Variants in PPP2R2A observed in about 807,000 individuals in gnomAD.
PPP2R2A encodes serine/threonine-protein phosphatase 2A 55 kDa regulatory subunit B alpha isoform.
Under a neutral mutation model 53.2 loss-of-function variants are expected in PPP2R2A, and 9 were observed. The ratio of observed to expected loss-of-function variants is 0.17; its 90% CI spans 0.10 to 0.30. PPP2R2A has a LOEUF of 0.30. PPP2R2A is among the 10% of genes least tolerant of loss of function. The pLI, the probability that PPP2R2A is intolerant of heterozygous loss-of-function variation, is 1.00. For synonymous variants in PPP2R2A, 169 were observed against 174.2 expected, an observed-to-expected ratio of 0.97 and a Z score of 0.23; for missense variants, 235 against 534.6, an observed-to-expected ratio of 0.44 and a Z score of 5.53.
chr8:26,295,677 G>A (rs765856926), intron 2 of PPP2R2A, among the ~76,000 whole-genome samples: 1 of 152,156 alleles, frequency 6.6e-6, no homozygotes, highest in Non-Finnish European at 1.5e-5. Context: ...ATCGTAAAAT[G>A]CTGATACTTG....
intron 2 of PPP2R2A, among the ~76,000 whole-genome samples, chr8:26,332,376 AAAAAG>A (rs1407414019): frequency 6.6e-6 from 1 of 151,986 alleles, no homozygotes; most frequent in Non-Finnish European, 1.5e-5. Flanking sequence ...AAAAAAAAAA[AAAAAG>A]AAGAAGATAC....
intron 3 of PPP2R2A, among the ~76,000 whole-genome samples, chr8:26,351,569 T>C (rs1180917803): frequency 1.3e-5 from 2 of 152,180 alleles, no homozygotes; most frequent in Non-Finnish European, 2.9e-5. Context: ...ACTTAATTAT[T>C]GTACCTTCAC....
intron 3 of PPP2R2A, among the ~76,000 whole-genome samples, chr8:26,344,399 CTT>C (rs1804103699): frequency 6.6e-6 from 1 of 152,098 alleles, no homozygotes; most frequent in Non-Finnish European, 1.5e-5. Flanking sequence ...ATAAAAAAAA[CTT>C]TAATCCTGTT....
At chr8:26,292,196 TC>T (rs1563276670) in intron 1 of PPP2R2A, 2 of 1,123,172 alleles carry the variant, frequency 1.8e-6, no homozygotes, top group Non-Finnish European at 2.2e-6. Context: ...TATTTTTTTT[TC>T]CTGCAGGTCT....
At position 26,360,045 on chromosome 8, in the gene PPP2R2A, AG is replaced by A; in HGVS notation, c.347-123del. ...TAATAGGAAATTTTTTAGTAAGTTC[AG>A]ATTAGGGTTTTTTTTTTTTTCGTGG... On this transcript the variant is annotated intron_variant, in intron 4 of 9. Transcript: ENST00000380737. The surrounding 1 kb of genome is among the most constrained non-coding windows in gnomAD (Gnocchi z 4.5). 1 of 532,106 alleles carries A rather than the reference AG, an allele frequency of 1.9e-6. No individual in the cohort carries two copies. The allele number at this position is 532,106 out of a possible 1,614,324, so 33.0% of individuals were successfully genotyped here. A position where few individuals can be genotyped will look rare whatever the true frequency, so the allele number is the denominator to read the frequency against.
At chr8:26,350,154 C>A (rs953389806) in intron 3 of PPP2R2A, among the ~76,000 whole-genome samples, 1 of 152,148 alleles carries the variant, frequency 6.6e-6, no homozygotes, top group Non-Finnish European at 1.5e-5. Flanking sequence ...GCAACCTCCT[C>A]CTCCCATCAA....
Position 26,293,706 on chromosome 8 carries a change from G to A in PPP2R2A, c.48G>A (p.Gln16=). The A allele has an allele frequency of 6.2e-7, 1 of 1,613,478 alleles. No individual in the cohort carries two copies. The highest frequency in any genetic ancestry group is 8.5e-7 in the Non-Finnish European group (1 of 1,179,718). ...GGNDIQWCFS[Q]VKGAVDDDVA... ...ATGATATTCAGTGGTGTTTTTCTCA[G>A]GTGAAAGGAGCAGTAGATGATGATG... Residue 16 remains glutamine (Q), a synonymous_variant, in exon 2 of 10, where the codon CAG becomes CAA. Coordinates refer to ENST00000380737, the MANE Select transcript of PPP2R2A (RefSeq NM_002717.4).
chr8:26,364,030 T>C, intron 8 of PPP2R2A, 140 bp downstream of exon 8: 1 of 673,220 alleles, frequency 1.5e-6, no homozygotes, highest in Non-Finnish European at 2.2e-6. Flanking sequence ...TCTATGAGTA[T>C]GTTGCTCTTC....
At chr8:26,366,169 C>T in intron 8 of PPP2R2A, 146 bp from the exon 9 acceptor site, 1 of 638,434 alleles carries the variant, frequency 1.6e-6, no homozygotes, top group Non-Finnish European at 2.7e-6. Context: ...GACAAAATGC[C>T]TTTATTGTTA....
chr8:26,333,425 T>C, intron 2 of PPP2R2A: 1 of 758,450 alleles, frequency 1.3e-6, no homozygotes, highest in South Asian at 2.1e-5. Context: ...TTCAGCTGTA[T>C]TAAAAATTAT....
chr8:26,339,358 C>G (rs545335887), intron 3 of PPP2R2A, among the ~76,000 whole-genome samples: 6 of 152,176 alleles, frequency 3.9e-5, no homozygotes, highest in Non-Finnish European at 8.8e-5. Flanking sequence ...GCTTGGTTTA[C>G]TTTGTACAAT....
chr8:26,364,664 G>T (rs1335602166), intron 8 of PPP2R2A, among the ~76,000 whole-genome samples: 2 of 152,204 alleles, frequency 1.3e-5, no homozygotes, highest in African/African-American at 4.8e-5. Context: ...CATAAACGAA[G>T]ATTGTTTTTG....
chr8:26,320,687 T>G (rs575677627), intron 2 of PPP2R2A, among the ~76,000 whole-genome samples: 1 of 152,322 alleles, frequency 6.6e-6, no homozygotes, highest in Non-Finnish European at 1.5e-5. Flanking sequence ...TTGTTAGTGT[T>G]GCTGTGCTCA....
chr8:26,368,060 G>A (rs949075922), intron 9 of PPP2R2A, among the ~76,000 whole-genome samples: 1 of 152,174 alleles, frequency 6.6e-6, no homozygotes, highest in Non-Finnish European at 1.5e-5. Flanking sequence ...CTGGCCTAAT[G>A]ATACCTTTTT....
At chr8:26,306,633 A>G (rs779007291) in intron 2 of PPP2R2A, among the ~76,000 whole-genome samples, 4 of 152,132 alleles carry the variant, frequency 2.6e-5, no homozygotes, top group Non-Finnish European at 5.9e-5. Context: ...CTGTTTTACA[A>G]ACCAAATATA....
At position 26,291,736 on chromosome 8, in the gene PPP2R2A, AC is replaced by A. The variant is rs1338406464; in HGVS notation, c.-77del. The A allele has an allele frequency of 4.7e-5, 62 of 1,309,772 alleles. No individual in the cohort carries two copies. Among genetic ancestry groups the A allele is most frequent in the Non-Finnish European group, 5.6e-5 (55 of 986,332 alleles). The allele number at this position is 1,309,772 out of a possible 1,614,324, so 81.1% of individuals were successfully genotyped here. A position where few individuals can be genotyped will look rare whatever the true frequency, so the allele number is the denominator to read the frequency against. Reference sequence around the variant, plus strand: ...CCATCCGCCGCCATCCGCCCTCTCTACCCCCCCATCCCCAGGTGAGGGGGGT... The same window carrying A: ...CCATCCGCCGCCATCCGCCCTCTCTACCCCCCATCCCCAGGTGAGGGGGGT... On this transcript the variant is annotated 5_prime_UTR_variant, in exon 1 of 10. Transcript: ENST00000380737.
intron 3 of PPP2R2A, among the ~76,000 whole-genome samples, chr8:26,347,375 G>C (rs935581358): frequency 2.7e-5 from 4 of 150,732 alleles, no homozygotes; most frequent in Non-Finnish European, 5.9e-5. Flanking sequence ...CACAGTTTTC[G>C]TGTGGGGTGT....
chr8:26,358,347 A>G (rs903463701), intron 4 of PPP2R2A, among the ~76,000 whole-genome samples: 2 of 152,158 alleles, frequency 1.3e-5, no homozygotes, highest in Non-Finnish European at 2.9e-5. Context: ...ATTTAGAACA[A>G]ATACTTCTCA....
chr8:26,301,134 T>C (rs894614777), intron 2 of PPP2R2A, among the ~76,000 whole-genome samples: 2 of 152,214 alleles, frequency 1.3e-5, no homozygotes, highest in Admixed American at 6.5e-5. Flanking sequence ...CTTTCACTTT[T>C]CCTAATATAA....
Sources: allele counts gnomAD v4.1 joint callset (sites outside exome capture counted in the v4.1 genomes callset), GRCh38; gene constraint gnomAD v4.1.1; non-coding constraint Gnocchi (gnomAD v3.1); transcripts MANE v1.5; gene names NCBI Gene and HGNC (gene_info 2026-07-23, HGNC 2026-07-21).